The following COL4A5 variants were observed in gnomAD, a reference collection of about 807,000 sequenced individuals.
COL4A5 encodes the protein collagen type IV alpha 5 chain, also known as collagen alpha-5(IV) chain.
In COL4A5, 26 loss-of-function variants were observed where a neutral mutation model predicts 130.2. The ratio of observed to expected loss-of-function variants is 0.20; its 90% CI spans 0.15 to 0.28. COL4A5 has a LOEUF of 0.28. Among genes scored for constraint, COL4A5 ranks in the 10% least tolerant of loss-of-function variants. The pLI is 1.00. For missense variants in COL4A5, 1,131 were observed against 1,344.3 expected, an observed-to-expected ratio of 0.84 and a Z score of 2.48; for synonymous variants, 496 against 439.6, an observed-to-expected ratio of 1.13 and a Z score of -1.60.
Position 108,687,354 on chromosome X carries a change from C to G in COL4A5, c.4316-128C>G, listed in dbSNP as rs2068565273. On this transcript the variant is annotated intron_variant, in intron 48 of 52. Transcript: ENST00000328300. ...TCCTAGCCCATGATATCTGACAATG[C>G]CTTTATAGACACTCTATAAATATCA... The G allele has an allele frequency of 6.9e-6, 4 of 581,048 alleles. No homozygotes were observed. The East Asian group carries it at 1.3e-4, about 19-fold the overall frequency. The allele number at this position is 581,048 out of a possible 1,213,427, so 47.9% of individuals were successfully genotyped here.
At chrX:108,630,717 T>C (rs1234291373) in intron 36 of COL4A5, among the ~76,000 whole-genome samples, 1 of 112,039 alleles carries the variant, frequency 8.9e-6, no homozygotes, top group Non-Finnish European at 1.9e-5. Context: ...GTTTTAGTCA[T>C]GAAGCCCTTG....
At chrX:108,529,625 A>G (rs1253880339) in intron 1 of COL4A5, among the ~76,000 whole-genome samples, 1 of 111,782 alleles carries the variant, frequency 8.9e-6, no homozygotes, top group Non-Finnish European at 1.9e-5. Flanking sequence ...GAATTTTTAA[A>G]AAAACATGAT....
intron 1 of COL4A5, 93 bp downstream of exon 1, chrX:108,440,299 T>A: frequency 1.7e-6 from 1 of 592,952 alleles, no homozygotes. Flanking sequence ...ATCTTCCTTT[T>A]GGCGTTGACT....
intron 1 of COL4A5, among the ~76,000 whole-genome samples, chrX:108,486,181 A>G (rs1033704612): frequency 6.3e-5 from 7 of 111,534 alleles, no homozygotes; most frequent in Middle Eastern, 4.6e-3. Flanking sequence ...GCTGCTGCCA[A>G]TGGGTGGGGA....
Position 108,577,918 on chromosome X carries a change from A to T in COL4A5, c.610-34A>T, listed in dbSNP as rs750332462. The T allele has an allele frequency of 1.1e-4, 128 of 1,123,369 alleles. No individual in the cohort carries two copies. The African/African-American group carries it at 1.4e-3, about 12-fold the overall frequency. The allele number at this position is 1,123,369 out of a possible 1,213,427, so 92.6% of individuals were successfully genotyped here. On this transcript the variant is annotated intron_variant, in intron 10 of 52. Transcript: ENST00000328300. ...CTTTTAAAATTAACTTATTAATATA[A>T]CATTTTATTTTCTCTTTTGTCTTCT...
intron 48 of COL4A5, among the ~76,000 whole-genome samples, chrX:108,687,278 C>T (rs761924731): frequency 8.9e-6 from 1 of 111,972 alleles, no homozygotes; most frequent in Non-Finnish European, 1.9e-5. Context: ...TTTAGTACAA[C>T]AAGAGACTAA....
At chrX:108,641,571 C>T in intron 36 of COL4A5, among the ~76,000 whole-genome samples, 1 of 112,123 alleles carries the variant, frequency 8.9e-6, no homozygotes, top group Admixed American at 9.4e-5. Flanking sequence ...GTGAGTGCCC[C>T]AAATATAGAA....
intron 42 of COL4A5, among the ~76,000 whole-genome samples, chrX:108,674,179 T>A (rs1267311965): frequency 9.0e-6 from 1 of 111,547 alleles, no homozygotes; most frequent in Non-Finnish European, 1.9e-5. Flanking sequence ...CATCGTATAT[T>A]CATGTTTTGA....
At chrX:108,604,451 A>G (rs776648087) in intron 28 of COL4A5, among the ~76,000 whole-genome samples, 1 of 112,002 alleles carries the variant, frequency 8.9e-6, no homozygotes, top group African/African-American at 3.2e-5. Flanking sequence ...TCTGAGGAGT[A>G]GGTCTCAACA....
chrX:108,619,868 A>G (rs1196288150), intron 30 of COL4A5, among the ~76,000 whole-genome samples: 1 of 112,548 alleles, frequency 8.9e-6, no homozygotes, highest in Non-Finnish European at 1.9e-5. Context: ...AAGCATTTAG[A>G]AACTTTTATA....
Position 108,440,092 on chromosome X carries a change from C to T in COL4A5, c.-34C>T. The T allele has an allele frequency of 5.3e-6, 6 of 1,128,715 alleles. No individual in the cohort carries two copies. Among genetic ancestry groups the T allele is most frequent in the Non-Finnish European group, 7.3e-6 (6 of 822,608 alleles). 93.0% of individuals were successfully genotyped at this position (1,128,715 alleles called of 1,213,427 possible). The stretch of plus-strand genomic sequence containing the variant: ...GTTAGAGCCAGCCGGGAATTTCGTG[C>T]GGGTGCTGAAGGAGCTGCGGGAGCC... On this transcript the variant is annotated 5_prime_UTR_variant, in exon 1 of 53. Coordinates refer to ENST00000328300, the MANE Select transcript of COL4A5 (RefSeq NM_033380.3).
intron 1 of COL4A5, among the ~76,000 whole-genome samples, chrX:108,474,530 C>T (rs1185114812): frequency 1.8e-5 from 2 of 112,078 alleles, no homozygotes; most frequent in East Asian, 5.6e-4. Flanking sequence ...CCTAACAATG[C>T]ATTTCTCAGA....
At chrX:108,497,968 T>C (rs892366555) in intron 1 of COL4A5, among the ~76,000 whole-genome samples, 1 of 111,813 alleles carries the variant, frequency 8.9e-6, no homozygotes, top group Non-Finnish European at 1.9e-5. Flanking sequence ...GCTGGCTTAT[T>C]CTTTTTCTTA....
At chrX:108,453,489 G>A (rs757770697) in intron 1 of COL4A5, among the ~76,000 whole-genome samples, 195 of 110,842 alleles carry the variant, frequency 1.8e-3, no homozygotes, top group Middle Eastern at 4.7e-3. Context: ...CATAATATAT[G>A]TTAACATTTA....
At chrX:108,445,245 C>T (rs1242200782) in intron 1 of COL4A5, among the ~76,000 whole-genome samples, 1 of 111,284 alleles carries the variant, frequency 9.0e-6, no homozygotes, top group African/African-American at 3.3e-5. Context: ...TAATATACTC[C>T]CTCCAGTCTA....
At chrX:108,588,579 G>T (rs565931280) in intron 19 of COL4A5, among the ~76,000 whole-genome samples, 5 of 110,086 alleles carry the variant, frequency 4.5e-5, no homozygotes, top group African/African-American at 1.6e-4. Context: ...GAGAGAATGG[G>T]ACAAGAGGCA....
chrX:108,674,085 C>T (rs17326932), intron 42 of COL4A5, among the ~76,000 whole-genome samples: 1,324 of 109,805 alleles, frequency 0.012, 51 homozygotes, highest in Admixed American at 0.096. Context: ...AATAGGAAAG[C>T]CTCCTGGTGA....
chrX:108,667,228 G>C (rs1479672887), intron 40 of COL4A5, 45 bp downstream of exon 40: 5 of 1,089,857 alleles, frequency 4.6e-6, no homozygotes, highest in Non-Finnish European at 6.4e-6. Context: ...AATAAAATGA[G>C]ATTATTTCCA....
chrX:108,555,429 A>C (rs933578936), intron 2 of COL4A5, among the ~76,000 whole-genome samples: 1 of 112,238 alleles, frequency 8.9e-6, no homozygotes, highest in African/African-American at 3.2e-5. Flanking sequence ...AAAAAAGAGA[A>C]CCGAATTGCC....
Sources: allele counts gnomAD v4.1 joint callset (sites outside exome capture counted in the v4.1 genomes callset), GRCh38; gene constraint gnomAD v4.1.1; transcripts MANE v1.5; gene names NCBI Gene and HGNC (gene_info 2026-07-23, HGNC 2026-07-21).